Variants in ADD1 observed in about 807,000 individuals in gnomAD.
ADD1 encodes alpha-adducin.
Under a neutral mutation model 80.5 loss-of-function variants are expected in ADD1, and 24 were observed. That is an observed-to-expected ratio of 0.30 (90% CI 0.22 to 0.42). ADD1 has a LOEUF of 0.42. ADD1 is among the 10% of genes least tolerant of loss of function. The pLI, the probability that ADD1 is intolerant of heterozygous loss-of-function variation, is 1.00. For synonymous variants in ADD1, 373 were observed against 393.8 expected, an observed-to-expected ratio of 0.95 and a Z score of 0.63; for missense variants, 948 against 1,019.0, an observed-to-expected ratio of 0.93 and a Z score of 0.95.
rs1168285345 is a variant in ADD1, at chr4:2,928,667, G to C, written c.*144G>C. 1.4e-5 allele frequency: 12 copies of C among 841,614 alleles called. No individual in the cohort carries two copies. The highest frequency in any genetic ancestry group is 3.0e-5 in the Admixed American group (1 of 33,830). The allele number at this position is 841,614 out of a possible 1,614,324, so 52.1% of individuals were successfully genotyped here. A position where few individuals can be genotyped will look rare whatever the true frequency, so the allele number is the denominator to read the frequency against. ...GGTCCCCTCACGTGACCAGCCCCGT[G>C]TAGCCCCGGGCTGACCCAGTGTGTG... On this transcript the variant is annotated 3_prime_UTR_variant, in exon 16 of 16. Transcript: ENST00000683351.
At chr4:2,897,541 CTTTTTTTTTTTTT>C (rs34592055) in intron 6 of ADD1, among the ~76,000 whole-genome samples, 7 of 99,156 alleles carry the variant, frequency 7.1e-5, no homozygotes, top group African/African-American at 2.0e-4. Context: ...AAACCTCCTC[CTTTTTTTTTTTTT>C]TTTTTTTTTT....
chr4:2,858,513 A>T (rs1445904043), intron 1 of ADD1, among the ~76,000 whole-genome samples: 2 of 152,252 alleles, frequency 1.3e-5, no homozygotes, highest in Non-Finnish European at 2.9e-5. Context: ...CACATTTATT[A>T]ATCAGCATTG....
chr4:2,911,836 A>G (rs1738118353), intron 13 of ADD1, among the ~76,000 whole-genome samples: 1 of 152,166 alleles, frequency 6.6e-6, no homozygotes, highest in Non-Finnish European at 1.5e-5. Context: ...GTGAGTCTAC[A>G]CTGCAAGCTA....
At chr4:2,881,200 C>A (rs754326071) in intron 2 of ADD1, among the ~76,000 whole-genome samples, 8 of 149,942 alleles carry the variant, frequency 5.3e-5, no homozygotes, top group Non-Finnish European at 1.2e-4. Flanking sequence ...TTCTCAGCCT[C>A]CCAAGTAGCT....
intron 9 of ADD1, chr4:2,900,710 G>T (rs912134591): frequency 6.6e-6 from 1 of 152,206 alleles, no homozygotes; most frequent in South Asian, 2.1e-4. Context: ...GATGAATATT[G>T]TCCGCTAGAA....
chr4:2,892,257 C>T (rs1334579076), intron 4 of ADD1, among the ~76,000 whole-genome samples: 2 of 152,126 alleles, frequency 1.3e-5, no homozygotes, highest in Non-Finnish European at 2.9e-5. Flanking sequence ...ACTGTCCGAC[C>T]CTAGTTAGGA....
chr4:2,909,323 C>T lies in ADD1; in HGVS notation c.1699-16C>T, dbSNP rs1379050065. 4.5e-6 allele frequency: 7 copies of T among 1,546,264 alleles called. No homozygotes were observed. Among genetic ancestry groups the T allele is most frequent in the African/African-American group, 4.1e-5 (3 of 72,938 alleles). On this transcript the variant is annotated splice_polypyrimidine_tract_variant and intron_variant, in intron 12 of 15. Coordinates refer to ENST00000683351, the MANE Select transcript of ADD1 (RefSeq NM_001354761.2). ...CTGGGCCTGGTGTGCTCTGGTGACT[C>T]AGTTTACTGTTTCAGGATGCACCTC...
chr4:2,919,191 C>G (rs552640637), intron 14 of ADD1, among the ~76,000 whole-genome samples: 1 of 152,114 alleles, frequency 6.6e-6, no homozygotes, highest in Non-Finnish European at 1.5e-5. Flanking sequence ...CCAACTTGAT[C>G]GTGGTGGATA....
At chr4:2,918,065 C>A (rs1436504574) in intron 14 of ADD1, among the ~76,000 whole-genome samples, 3 of 152,174 alleles carry the variant, frequency 2.0e-5, no homozygotes, top group Non-Finnish European at 4.4e-5. Context: ...TGAAGAAAGT[C>A]AGTGGTAGCT....
intron 1 of ADD1, among the ~76,000 whole-genome samples, chr4:2,852,155 T>TTTCC (rs1727209743): frequency 2.6e-5 from 2 of 75,880 alleles, no homozygotes; most frequent in Non-Finnish European, 5.1e-5. Flanking sequence ...TCTTTCTTTC[T>TTTCC]TTCTTTCTTT....
Position 2,926,542 on chromosome 4 carries a change from C to G in ADD1, c.2047+430C>G, listed in dbSNP as rs963077292. On this transcript the variant is annotated intron_variant, in intron 15 of 15. Transcript: ENST00000683351. This position sits in a 1 kb window ranked among gnomAD's most constrained non-coding sequence, Gnocchi z 5.0. ...CGTACATCCATGTCTCTCGTGAAGC[C>G]CGTGGCCCTGCCTTTCTTCTTCTGT... The G allele has an allele frequency of 1.5e-6, 2 of 1,302,500 alleles. No homozygotes were observed. The highest frequency in any genetic ancestry group is 3.8e-5 in the Admixed American group (2 of 52,922). The allele number at this position is 1,302,500 out of a possible 1,614,324, so 80.7% of individuals were successfully genotyped here. A position where few individuals can be genotyped will look rare whatever the true frequency, so the allele number is the denominator to read the frequency against.
At chr4:2,856,827 G>A (rs1295123198) in intron 1 of ADD1, among the ~76,000 whole-genome samples, 1 of 151,588 alleles carries the variant, frequency 6.6e-6, no homozygotes, top group African/African-American at 2.4e-5. Flanking sequence ...CTGACCTCAG[G>A]TGATCTGCCC....
chr4:2,913,751 T>TC lies in ADD1; in HGVS notation c.1792-1131dup, dbSNP rs981394661. On this transcript the variant is annotated intron_variant, in intron 13 of 15. Coordinates refer to ENST00000683351, the MANE Select transcript of ADD1 (RefSeq NM_001354761.2). Reference sequence around the variant, plus strand: ...CCGAGTCAGCCCAGCTAGGACGCTCTCCATCTCTGGTGTTCACTCCGCACT... The same window carrying TC: ...CCGAGTCAGCCCAGCTAGGACGCTCTCCCATCTCTGGTGTTCACTCCGCACT... 5.4e-4 allele frequency among the ~76,000 whole-genome samples: 82 copies of TC among 152,120 alleles called. 2 individuals are homozygous for TC. The highest frequency in any genetic ancestry group is 1.8e-3 in the African/African-American group (75 of 41,492).
At chr4:2,907,886 A>T in intron 11 of ADD1, 42 bp downstream of exon 11, 2 of 1,510,098 alleles carry the variant, frequency 1.3e-6, no homozygotes, top group Non-Finnish European at 1.8e-6. Context: ...TGGGTGTGGG[A>T]TTGGAAGGGA....
chr4:2,887,612 A>C (rs1039392345), intron 4 of ADD1: 1 of 150,588 alleles, frequency 6.6e-6, no homozygotes, highest in Non-Finnish European at 1.5e-5. Context: ...TGCTTGTTCA[A>C]CTCCATTCTG....
chr4:2,867,719 G>T (rs1038508386), intron 1 of ADD1, among the ~76,000 whole-genome samples: 1 of 152,204 alleles, frequency 6.6e-6, no homozygotes, highest in African/African-American at 2.4e-5. Context: ...ACTTGAGTAG[G>T]CTGGGACAAA....
chr4:2,888,865 G>T (rs577635923), intron 4 of ADD1, among the ~76,000 whole-genome samples: 4 of 151,920 alleles, frequency 2.6e-5, no homozygotes, highest in Admixed American at 2.6e-4. Flanking sequence ...AAAATGAAAG[G>T]TATCAGAAAT....
intron 1 of ADD1, among the ~76,000 whole-genome samples, chr4:2,852,173 T>TCTTCCTTTCTTCCTTTCTTC (rs1727227918): frequency 1.4e-5 from 1 of 71,388 alleles, no homozygotes; most frequent in African/African-American, 6.3e-5. Flanking sequence ...TTTCTTTCTT[T>TCTTCCTTTCTTCCTTTCTTC]CTTTCTTTCT....
intron 15 of ADD1, among the ~76,000 whole-genome samples, chr4:2,927,895 C>T (rs1371684310): frequency 3.9e-5 from 6 of 152,090 alleles, no homozygotes; most frequent in African/African-American, 7.2e-5. Context: ...TCTGTCTTTC[C>T]GGCGGGGGGA....
Sources: gnomAD v4.1 joint callset for allele counts (sites outside exome capture counted in the v4.1 genomes callset) on GRCh38, gnomAD v4.1.1 for gene constraint, Gnocchi (gnomAD v3.1) non-coding constraint, MANE v1.5 for transcripts, NCBI Gene and HGNC (gene_info 2026-07-23, HGNC 2026-07-21) for gene names.